The following SIGLECL1 variants were observed in gnomAD, a reference collection of about 807,000 sequenced individuals.
The protein encoded by SIGLECL1 is SIGLEC family like 1.
A neutral mutation model predicts 19.1 loss-of-function variants in SIGLECL1; 16 were observed. The ratio of observed to expected loss-of-function variants is 0.84; its 90% CI spans 0.57 to 1.27. The LOEUF is 1.27. SIGLECL1 is among the 50% of genes most tolerant of loss of function. The pLI is 0.00. For missense variants in SIGLECL1, 210 were observed against 239.4 expected, an observed-to-expected ratio of 0.88 and a Z score of 0.81; for synonymous variants, 89 against 90.4, an observed-to-expected ratio of 0.98 and a Z score of 0.09.
intron 4 of SIGLECL1, among the ~76,000 whole-genome samples, chr19:51,266,160 G>A (rs542768256): frequency 1.7e-4 from 26 of 152,242 alleles, no homozygotes; most frequent in African/African-American, 1.9e-4. Context: ...GCGAGTCCCC[G>A]GGGTGCTGTC....
Position 51,265,371 on chromosome 19 carries a change from C to A in SIGLECL1, c.26C>A (p.Pro9His), listed in dbSNP as rs773934178. 9 of 1,608,924 alleles carry A rather than the reference C, an allele frequency of 5.6e-6. No homozygotes were observed. Among genetic ancestry groups the A allele is most frequent in the Non-Finnish European group, 7.7e-6 (9 of 1,176,402 alleles). MLPLLQLV[P>H]AKLLNSSCSL... ...TCCTGACCCTTCCTCCCCACAGTAC[C>A]TGCTAAGCTGCTCAACTCCTCTTGC... The change falls in exon 3 of 6, where the codon CCT becomes CAT. Residue 9 changes from proline (P) to histidine (H), a missense_variant. By Grantham distance (77) the Pro-to-His change is moderately conservative. Coordinates refer to ENST00000601727, the MANE Select transcript of SIGLECL1 (RefSeq NM_001385465.1).
intron 5 of SIGLECL1, among the ~76,000 whole-genome samples, chr19:51,268,285 G>A (rs905828671): frequency 1.3e-5 from 2 of 152,160 alleles, no homozygotes. Flanking sequence ...CGGTGGTGCA[G>A]AAGAGGGAGG....
At chr19:51,264,860 G>A (rs756590223) in intron 2 of SIGLECL1, among the ~76,000 whole-genome samples, 3 of 152,174 alleles carry the variant, frequency 2.0e-5, no homozygotes, top group Non-Finnish European at 4.4e-5. Flanking sequence ...ACTTCACTAC[G>A]CACTGAGCTG....
At chr19:51,253,388 AAG>A (rs72103957) in intron 1 of SIGLECL1, among the ~76,000 whole-genome samples, 59 of 151,950 alleles carry the variant, frequency 3.9e-4, no homozygotes, top group African/African-American at 1.4e-3. Flanking sequence ...ATTTAAAAAA[AAG>A]AGAGAGAGAG....
At chr19:51,264,588 A>G (rs1024454605) in intron 2 of SIGLECL1, 1 of 153,178 alleles carries the variant, frequency 6.5e-6, no homozygotes, top group Non-Finnish European at 1.5e-5. Context: ...AAAAAACTTC[A>G]ACGAAAAAGT....
At position 51,263,099 on chromosome 19, in the gene SIGLECL1, A is replaced by G. The variant is rs772595747; in HGVS notation, c.-190-784A>G. ...TTTTTTGTAGAAACGGGGTTTTACC[A>G]TGTTGCCCACGCTGGAATTACTATG... On this transcript the variant is annotated intron_variant, in intron 1 of 5. Coordinates refer to ENST00000601727, the MANE Select transcript of SIGLECL1 (RefSeq NM_001385465.1). Among the ~76,000 whole-genome samples, 97 of 152,276 alleles carry G rather than the reference A, an allele frequency of 6.4e-4. 1 individual carries two copies. Among genetic ancestry groups the G allele is most frequent in the Non-Finnish European group, 1.1e-3 (74 of 68,034 alleles).
intron 1 of SIGLECL1, among the ~76,000 whole-genome samples, chr19:51,256,766 C>A (rs546180133): frequency 6.6e-6 from 1 of 152,116 alleles, no homozygotes; most frequent in East Asian, 1.9e-4. Flanking sequence ...AACGTCATGT[C>A]GTACACCTTA....
intron 4 of SIGLECL1, among the ~76,000 whole-genome samples, chr19:51,266,090 G>A (rs1983648756): frequency 6.6e-6 from 1 of 152,142 alleles, no homozygotes; most frequent in Non-Finnish European, 1.5e-5. Flanking sequence ...CAGACACTTT[G>A]AACACATTTT....
intron 1 of SIGLECL1, among the ~76,000 whole-genome samples, chr19:51,255,263 GA>G (rs113540507): frequency 0.17 from 16,180 of 92,546 alleles, 1,355 homozygotes; most frequent in East Asian, 0.43. Context: ...CCTGTCTCAA[GA>G]AAAAAAAAAA....
At chr19:51,263,180 G>C (rs1396909931) in intron 1 of SIGLECL1, among the ~76,000 whole-genome samples, 1 of 152,106 alleles carries the variant, frequency 6.6e-6, no homozygotes, top group Non-Finnish European at 1.5e-5. Flanking sequence ...TTTTGAGACA[G>C]GGTCTCGTGC....
intron 1 of SIGLECL1, among the ~76,000 whole-genome samples, chr19:51,263,398 T>C (rs931776955): frequency 6.6e-6 from 1 of 152,198 alleles, no homozygotes; most frequent in African/African-American, 2.4e-5. Flanking sequence ...CCTGAGAGAA[T>C]GTCAACACTT....
chr19:51,265,932 C>T lies in SIGLECL1; in HGVS notation c.410+50C>T, dbSNP rs767395330. On this transcript the variant is annotated intron_variant, in intron 4 of 5. Transcript: ENST00000601727. ...CCGCAAGCCTACTACCGGGCAGGCC[C>T]TGGCTGCAGCCCTGGCACAGAGAGA... 6 of 1,581,616 alleles carry T rather than the reference C, an allele frequency of 3.8e-6. No homozygotes were observed. The East Asian group carries it at 1.3e-4, about 35-fold the overall frequency.
At chr19:51,248,289 T>A (rs568904736), upstream of SIGLECL1, among the ~76,000 whole-genome samples, 2 of 152,312 alleles carry the variant, frequency 1.3e-5, no homozygotes, top group South Asian at 2.1e-4. Flanking sequence ...TATTTAAACA[T>A]TATACCCGAT....
At chr19:51,254,067 C>G (rs910565381) in intron 1 of SIGLECL1, among the ~76,000 whole-genome samples, 5 of 152,168 alleles carry the variant, frequency 3.3e-5, no homozygotes, top group Non-Finnish European at 5.9e-5. Context: ...GCCTGTAATC[C>G]TAGCACTTTG....
chr19:51,256,904 A>T (rs1173002899), intron 1 of SIGLECL1, among the ~76,000 whole-genome samples: 1 of 152,178 alleles, frequency 6.6e-6, no homozygotes, highest in African/African-American at 2.4e-5. Context: ...ATTATACATC[A>T]TTCTAGATCT....
chr19:51,266,821 T>C (rs745726789), intron 4 of SIGLECL1, among the ~76,000 whole-genome samples: 2 of 152,166 alleles, frequency 1.3e-5, no homozygotes, highest in African/African-American at 2.4e-5. Flanking sequence ...CCAGACAGCT[T>C]GGACTGAATC....
At chr19:51,265,288 A>T in intron 2 of SIGLECL1, 80 bp from the exon 3 acceptor site, 1 of 1,470,870 alleles carries the variant, frequency 6.8e-7, no homozygotes. Context: ...AATAGCAAGT[A>T]AAGAGAAGGC....
intron 1 of SIGLECL1, among the ~76,000 whole-genome samples, chr19:51,257,461 C>T (rs1157705306): frequency 2.0e-5 from 3 of 151,968 alleles, no homozygotes; most frequent in African/African-American, 7.3e-5. Context: ...CTGGTATACT[C>T]CCTTCCCCAA....
upstream of SIGLECL1, among the ~76,000 whole-genome samples, chr19:51,247,607 C>T (rs1277730125): frequency 2.6e-5 from 4 of 152,194 alleles, no homozygotes; most frequent in South Asian, 2.1e-4. Context: ...TTAGTAGAGA[C>T]GGGGTTTCAC....
Sources: allele counts gnomAD v4.1 joint callset (sites outside exome capture counted in the v4.1 genomes callset), GRCh38; gene constraint gnomAD v4.1.1; transcripts MANE v1.5; gene names NCBI Gene and HGNC (gene_info 2026-07-23, HGNC 2026-07-21).